The following NDST3 variants were observed in gnomAD, a reference collection of about 807,000 sequenced individuals.
NDST3 encodes N-deacetylase and N-sulfotransferase 3.
In NDST3, 58 loss-of-function variants were observed where a neutral mutation model predicts 96.1. The ratio of observed to expected loss-of-function variants is 0.60; its 90% confidence interval spans 0.49 to 0.75. The LOEUF is 0.75. NDST3 is among the 30% of genes least tolerant of loss of function. The pLI is 0.00. For missense variants in NDST3, 788 were observed against 1,034.2 expected (o/e 0.76, Z 3.27); for synonymous variants, 333 against 359.7 (o/e 0.93, Z 0.84).
rs148379003 is a variant in NDST3, at chr4:118,164,694, T to C, written c.1539+21010T>C. 1.9e-3 allele frequency among the ~76,000 whole-genome samples: 293 copies of C among 152,212 alleles called. 1 individual carries two copies. In the Middle Eastern group the frequency reaches 0.021, roughly 11 times the overall value. ...AGAAAAATAGATAATACTGTAATAT[T>C]TTAGTGGCTGTGTATAAATCACCTT... is the stretch of plus-strand genomic sequence containing the variant. On this transcript the variant is annotated intron_variant, in intron 6 of 13. Transcript: ENST00000296499.
At chr4:118,245,408 G>A (rs549723560) in intron 12 of NDST3, among the ~76,000 whole-genome samples, 46 of 152,282 alleles carry the variant, frequency 3.0e-4, no homozygotes, top group African/African-American at 1.0e-3. Context: ...GTTGAAAGCC[G>A]AGAGTTGAGT....
At chr4:118,063,242 A>T (rs985278812) in intron 2 of NDST3, among the ~76,000 whole-genome samples, 6 of 151,596 alleles carry the variant, frequency 4.0e-5, no homozygotes, top group Non-Finnish European at 8.8e-5. Context: ...CGCATGATAC[A>T]GGAGGGCTGT....
intron 6 of NDST3, among the ~76,000 whole-genome samples, chr4:118,179,255 G>T (rs779065123): frequency 1.3e-5 from 2 of 152,004 alleles, no homozygotes; most frequent in Non-Finnish European, 2.9e-5. Flanking sequence ...ATATTTGCTT[G>T]TAAGATTTAC....
At chr4:118,069,350 G>A (rs1211784243) in intron 2 of NDST3, among the ~76,000 whole-genome samples, 1 of 152,014 alleles carries the variant, frequency 6.6e-6, no homozygotes, top group Non-Finnish European at 1.5e-5. Context: ...AGGTGGGATA[G>A]AGTACCCCAT....
chr4:118,144,611 A>C (rs1733807369), intron 6 of NDST3, among the ~76,000 whole-genome samples: 1 of 152,224 alleles, frequency 6.6e-6, no homozygotes, highest in African/African-American at 2.4e-5. Flanking sequence ...CATAAGGAAA[A>C]GAAGGGATTT....
At chr4:118,237,655 G>A (rs752968540) in intron 10 of NDST3, among the ~76,000 whole-genome samples, 10 of 152,018 alleles carry the variant, frequency 6.6e-5, no homozygotes, top group Non-Finnish European at 1.2e-4. Flanking sequence ...ATTGTATTTC[G>A]AAAGCAGCCA....
chr4:118,045,783 C>G lies in NDST3; in HGVS notation c.-155-7973C>G, dbSNP rs142422321. ...ATAGACTCTAATCTTATGACAAACA[C>G]TAAATACAGTATTTTTCACCTGTGC... On this transcript the variant is annotated intron_variant, in intron 1 of 13. Transcript: ENST00000296499. Among the ~76,000 whole-genome samples, 647 of 152,210 alleles carry G rather than the reference C, an allele frequency of 4.3e-3. 6 individuals are homozygous for G. The highest frequency in any genetic ancestry group is 0.014 in the Middle Eastern group (4 of 294).
chr4:118,198,529 T>G (rs1737848543), intron 6 of NDST3, among the ~76,000 whole-genome samples: 1 of 152,206 alleles, frequency 6.6e-6, no homozygotes, highest in African/African-American at 2.4e-5. Flanking sequence ...GAAAAGTTGT[T>G]GTAGTTACTA....
chr4:118,057,650 G>T (rs1725537591), intron 2 of NDST3, among the ~76,000 whole-genome samples: 2 of 151,996 alleles, frequency 1.3e-5, no homozygotes, highest in South Asian at 4.1e-4. Flanking sequence ...GGGCCCACTG[G>T]GCTAAGGACT....
chr4:118,228,842 G>A (rs994020254), intron 8 of NDST3, among the ~76,000 whole-genome samples: 8 of 152,156 alleles, frequency 5.3e-5, no homozygotes, highest in South Asian at 2.1e-4. Context: ...CATGTATTCC[G>A]TGTAGTCTTT....
chr4:118,082,460 T>C (rs1033718153), intron 2 of NDST3, among the ~76,000 whole-genome samples: 1 of 152,206 alleles, frequency 6.6e-6, no homozygotes, highest in Non-Finnish European at 1.5e-5. Flanking sequence ...TGCCAGATGA[T>C]ACCTGCACAT....
chr4:118,131,574 C>G (rs1732618964), intron 4 of NDST3, among the ~76,000 whole-genome samples: 2 of 152,224 alleles, frequency 1.3e-5, no homozygotes, highest in Middle Eastern at 6.8e-3. Context: ...GTCACACATC[C>G]TTATTTCTCC....
intron 3 of NDST3, among the ~76,000 whole-genome samples, chr4:118,110,514 T>A (rs1007969425): frequency 6.6e-6 from 1 of 152,188 alleles, no homozygotes; most frequent in Non-Finnish European, 1.5e-5. Context: ...AGTGAAATGA[T>A]GTTTGTAAAG....
chr4:118,128,133 A>C (rs1732277814), intron 4 of NDST3, among the ~76,000 whole-genome samples: 1 of 152,038 alleles, frequency 6.6e-6, no homozygotes, highest in Non-Finnish European at 1.5e-5. Flanking sequence ...TTTGGAAACA[A>C]GGATAATTTA....
At chr4:118,249,013 G>A (rs1741488908) in intron 12 of NDST3, among the ~76,000 whole-genome samples, 1 of 152,250 alleles carries the variant, frequency 6.6e-6, no homozygotes, top group African/African-American at 2.4e-5. Context: ...TATGCACACA[G>A]ATGCCTAGGC....
intron 4 of NDST3, among the ~76,000 whole-genome samples, chr4:118,129,551 G>A (rs973456312): frequency 6.6e-6 from 1 of 151,902 alleles, no homozygotes; most frequent in African/African-American, 2.4e-5. Flanking sequence ...CAGAGAAGAC[G>A]TTTGATATTG....
chr4:118,084,450 G>C (rs938835195), intron 2 of NDST3, among the ~76,000 whole-genome samples: 2 of 152,086 alleles, frequency 1.3e-5, no homozygotes, highest in Non-Finnish European at 2.9e-5. Context: ...GGATCCATAG[G>C]CTCAGTCAAC....
chr4:118,171,105 T>G (rs1259528501), intron 6 of NDST3, among the ~76,000 whole-genome samples: 1 of 152,174 alleles, frequency 6.6e-6, no homozygotes, highest in East Asian at 1.9e-4. Flanking sequence ...TAATTGATGT[T>G]TCAAATATCT....
chr4:118,219,557 G>A (rs1009920944), intron 6 of NDST3, among the ~76,000 whole-genome samples: 54 of 151,960 alleles, frequency 3.6e-4, no homozygotes, highest in Admixed American at 2.6e-4. Context: ...AAAGACTTAA[G>A]TGTAAAATCC....
Sources: allele counts gnomAD v4.1 joint callset (sites outside exome capture counted in the v4.1 genomes callset), GRCh38; gene constraint gnomAD v4.1.1; transcripts MANE v1.5; gene names NCBI Gene and HGNC (gene_info 2026-07-23, HGNC 2026-07-21).